Variants in DEAF1 observed in about 807,000 individuals in gnomAD.
The protein encoded by DEAF1 is DEAF1 transcription factor, also known as deformed epidermal autoregulatory factor 1 homolog.
In DEAF1, 53 loss-of-function variants were observed where a neutral mutation model predicts 58.9. The observed-to-expected ratio is 0.90, with a 90% confidence interval of 0.72 to 1.13. The LOEUF (loss-of-function observed/expected upper bound fraction) is 1.13. Among genes scored for constraint, DEAF1 ranks in the 50% most tolerant of loss-of-function variants. The pLI, the probability that DEAF1 is intolerant of heterozygous loss-of-function variation, is 0.00. For missense variants in DEAF1, 685 were observed against 791.4 expected, an observed-to-expected ratio of 0.87 and a Z score of 1.61; for synonymous variants, 385 against 340.4, an observed-to-expected ratio of 1.13 and a Z score of -1.44.
intron 10 of DEAF1, among the ~76,000 whole-genome samples, chr11:659,747 G>A (rs1352871841): frequency 6.6e-6 from 1 of 152,220 alleles, no homozygotes; most frequent in Non-Finnish European, 1.5e-5. Context: ...TCCCGGCACT[G>A]CAGTGAGTTC....
chr11:696,197 C>T (rs1861147570), upstream of DEAF1, among the ~76,000 whole-genome samples: 1 of 152,152 alleles, frequency 6.6e-6, no homozygotes, highest in South Asian at 2.1e-4. Context: ...GAACTCTCGC[C>T]AAAGAAAATC....
chr11:703,689 C>T, intron 1 of DEAF1: 7 of 1,232,314 alleles, frequency 5.7e-6, no homozygotes, highest in East Asian at 3.2e-5. Flanking sequence ...GCCTCACAGG[C>T]AGGCAGGCCC....
chr11:674,431 G>A, intron 10 of DEAF1, 105 bp downstream of exon 10: 1 of 1,493,492 alleles, frequency 6.7e-7, no homozygotes, highest in Non-Finnish European at 9.3e-7. Context: ...AGGTGGGGCA[G>A]GGGCCTTGTG....
chr11:663,092 T>C, intron 10 of DEAF1, among the ~76,000 whole-genome samples: 1 of 152,248 alleles, frequency 6.6e-6, no homozygotes, highest in East Asian at 1.9e-4. Flanking sequence ...TGGGCGAATA[T>C]CTTGAGACCA....
Position 703,017 on chromosome 11 carries a change from T to A in DEAF1, c.-438+3555A>T, listed in dbSNP as rs755563457. 40 of 1,612,378 alleles carry A rather than the reference T, an allele frequency of 2.5e-5. No individual in the cohort carries two copies. The highest frequency in any genetic ancestry group is 3.3e-5 in the Non-Finnish European group (39 of 1,179,834). On this transcript the variant is annotated intron_variant, in intron 1 of 11. Transcript: ENST00000683307. ...CTGGCCCTCACGGCTGGCACCGCCCTCCTCTCTGCCCACTTCCTGCTTTGG... is the reference window on the plus strand; with the variant it reads ...CTGGCCCTCACGGCTGGCACCGCCCACCTCTCTGCCCACTTCCTGCTTTGG...
At chr11:646,989 A>T (rs1489612246) in intron 11 of DEAF1, among the ~76,000 whole-genome samples, 1 of 38,240 alleles carries the variant, frequency 2.6e-5, no homozygotes, top group African/African-American at 7.5e-5. Flanking sequence ...ATCTCTATAA[A>T]AAAAAAAAAA....
intron 10 of DEAF1, among the ~76,000 whole-genome samples, chr11:662,482 G>C (rs1306000385): frequency 6.6e-6 from 1 of 152,030 alleles, no homozygotes; most frequent in African/African-American, 2.4e-5. Context: ...CAGGGCAGGA[G>C]GACGCCAACA....
rs77559202 is a variant in DEAF1, at chr11:652,747, C to A, written c.1593+1215G>T. Among the ~76,000 whole-genome samples the A allele has an allele frequency of 6.6e-5, 10 of 152,100 alleles. No homozygotes were observed. In the East Asian group the frequency reaches 1.4e-3, roughly 21 times the overall value. On this transcript the variant is annotated intron_variant, in intron 11 of 11. Coordinates refer to ENST00000382409, the MANE Select transcript of DEAF1 (RefSeq NM_021008.4). Reference sequence around the variant, plus strand: ...AAGACATCACAGGACAAAATATAGACCAGCATCTCTCATAAATATGAGAAA... The same window carrying A: ...AAGACATCACAGGACAAAATATAGAACAGCATCTCTCATAAATATGAGAAA...
chr11:645,666 C>A (rs1426283833), intron 11 of DEAF1, among the ~76,000 whole-genome samples: 1 of 152,180 alleles, frequency 6.6e-6, no homozygotes, highest in Admixed American at 6.5e-5. Flanking sequence ...TGGAACCAGC[C>A]CGTGGCTGCA....
rs139037744 is a variant in DEAF1 at position 671,527 on chromosome 11, G to A, written c.1503+3009C>T. 2.3e-3 allele frequency among the ~76,000 whole-genome samples: 351 copies of A among 151,544 alleles called. 1 individual carries two copies. The highest frequency in any genetic ancestry group is 8.3e-3 in the African/African-American group (343 of 41,338). ...GTGATCCACTGTGCCCAGTGAAAAA[G>A]TATTTTAAAATTATCTTTGTCTTCA... is the stretch of plus-strand genomic sequence containing the variant. On this transcript the variant is annotated intron_variant, in intron 10 of 11. Coordinates refer to ENST00000382409, the MANE Select transcript of DEAF1 (RefSeq NM_021008.4).
intron 5 of DEAF1, among the ~76,000 whole-genome samples, chr11:685,360 A>C (rs912913017): frequency 6.6e-6 from 1 of 152,180 alleles, no homozygotes; most frequent in Non-Finnish European, 1.5e-5. Flanking sequence ...CTGGGATTAC[A>C]AGCGTAAGCC....
chr11:675,288 G>T (rs934234021), intron 9 of DEAF1, among the ~76,000 whole-genome samples: 1 of 152,224 alleles, frequency 6.6e-6, no homozygotes, highest in African/African-American at 2.4e-5. Context: ...GGAGACTGAG[G>T]TGGGAGGATC....
intron 10 of DEAF1, among the ~76,000 whole-genome samples, chr11:661,178 G>C (rs1250516162): frequency 6.6e-6 from 1 of 152,184 alleles, no homozygotes; most frequent in African/African-American, 2.4e-5. Context: ...TTGCGCTCAG[G>C]GCAGCATGGC....
chr11:651,430 A>T (rs1166495671), intron 11 of DEAF1: 3 of 320,656 alleles, frequency 9.4e-6, no homozygotes, highest in South Asian at 2.5e-5. Context: ...AAAAAAAAAA[A>T]TTAAATAAAA....
chr11:663,813 G>C (rs1476906338), intron 10 of DEAF1, among the ~76,000 whole-genome samples: 1 of 152,186 alleles, frequency 6.6e-6, no homozygotes, highest in African/African-American at 2.4e-5. Flanking sequence ...GCGAAGGTCC[G>C]GTCTGCTGGA....
At chr11:650,925 C>G (rs935693022) in intron 11 of DEAF1, among the ~76,000 whole-genome samples, 11 of 152,026 alleles carry the variant, frequency 7.2e-5, no homozygotes, top group African/African-American at 2.7e-4. Context: ...CAAACATTCA[C>G]CATAAGACAG....
intron 10 of DEAF1, among the ~76,000 whole-genome samples, chr11:655,436 T>G (rs1396923506): frequency 6.6e-6 from 1 of 152,270 alleles, no homozygotes; most frequent in African/African-American, 2.4e-5. Context: ...GCTTGACAGT[T>G]GTGAGCTCCG....
intron 1 of DEAF1, chr11:704,352 TG>T: frequency 3.2e-6 from 3 of 946,404 alleles, no homozygotes; most frequent in Non-Finnish European, 4.4e-6. Flanking sequence ...CTGTGGCACC[TG>T]GACAGTCTTT....
rs751324313 is a variant in DEAF1 at position 694,804 on chromosome 11, C to T, written c.244G>A (p.Ala82Thr). ...GCGGCCTCGTCGGGGCCGGGCAGGG[C>T]CTCGGCGCCCATGTCCATGTGCCCG... ...EPGHMDMGAEALPGPDEAAAA... is the reference protein window; with the variant it reads ...EPGHMDMGAETLPGPDEAAAA... The change falls in exon 1 of 12, where the codon GCC becomes ACC. Residue 82 changes from alanine to threonine, a missense_variant. Ala to Thr is a moderately conservative substitution (Grantham distance 58, BLOSUM62 0). Coordinates refer to ENST00000382409, the MANE Select transcript of DEAF1 (RefSeq NM_021008.4). 1.9e-4 allele frequency: 263 copies of T among 1,409,268 alleles called. No homozygotes were observed. The highest frequency in any genetic ancestry group is 2.3e-4 in the Non-Finnish European group (245 of 1,082,636). 87.3% of individuals were successfully genotyped at this position (1,409,268 alleles called of 1,614,324 possible). A position where few individuals can be genotyped will look rare whatever the true frequency, so the allele number is the denominator to read the frequency against.
Sources: gnomAD v4.1 joint callset for allele counts (sites outside exome capture counted in the v4.1 genomes callset) on GRCh38, gnomAD v4.1.1 for gene constraint, MANE v1.5 for transcripts, NCBI Gene and HGNC (gene_info 2026-07-23, HGNC 2026-07-21) for gene names.